The following ADGRL1 variants were observed in gnomAD, a reference collection of about 807,000 sequenced individuals.
ADGRL1 encodes the protein adhesion G protein-coupled receptor L1, also known as CIRL-1.
In ADGRL1, 31 loss-of-function variants were observed where a neutral mutation model predicts 148.9. The observed-to-expected ratio is 0.21, with a 90% CI of 0.16 to 0.28. The LOEUF (loss-of-function observed/expected upper bound fraction) is 0.28, where lower values mean the gene tolerates loss of function less well. Among genes scored for constraint, ADGRL1 ranks in the 10% least tolerant of loss-of-function variants. The pLI is 1.00. For synonymous variants in ADGRL1, 937 were observed against 900.3 expected (o/e 1.04, Z -0.73); for missense variants, 1,521 against 2,058.8 (o/e 0.74, Z 5.05).
chr19:14,162,744 C>A lies in ADGRL1; in HGVS notation c.1057G>T (p.Val353Phe). The A allele has an allele frequency of 6.2e-7, 1 of 1,614,218 alleles. No individual in the cohort carries two copies. The highest frequency in any genetic ancestry group is 8.5e-7 in the Non-Finnish European group (1 of 1,180,036). The change falls in exon 5 of 23, where the codon GTC becomes TTC. Residue 353 changes from valine to phenylalanine, a missense_variant. This residue lies in a region of ADGRL1 where 270 missense variants were observed against 320.4 expected (regional missense o/e 0.84). Coordinates refer to ENST00000361434, the MANE Select transcript of ADGRL1 (RefSeq NM_014921.5). The surrounding 1 kb of genome is among the most constrained non-coding windows in gnomAD (Gnocchi z 5.4). ...FNTNANREEP[V>F]SLTFPNPYQF... is the part of the protein sequence containing the mutation. ...TAGGGGTTGGGGAAGGTGAGGCTGA[C>A]AGGCTCCTCGCGGTTGGCATTGGTG...
chr19:14,156,270 G>A, intron 16 of ADGRL1, 69 bp from the exon 17 acceptor site: 2 of 1,263,602 alleles, frequency 1.6e-6, no homozygotes, highest in South Asian at 1.2e-5. Context: ...ACTGAGGCTA[G>A]GGCCCAGCCT....
At chr19:14,184,900 A>C (rs1971490522) in intron 1 of ADGRL1, among the ~76,000 whole-genome samples, 1 of 151,996 alleles carries the variant, frequency 6.6e-6, no homozygotes, top group Admixed American at 6.6e-5. Context: ...CGGCCTCCCA[A>C]AGTGCTGGGA....
At chr19:14,167,853 C>T (rs112966063) in intron 4 of ADGRL1, among the ~76,000 whole-genome samples, 2 of 152,268 alleles carry the variant, frequency 1.3e-5, no homozygotes, top group African/African-American at 2.4e-5. Flanking sequence ...GTCTGAGGCT[C>T]GGCTTCTCTG....
intron 4 of ADGRL1, among the ~76,000 whole-genome samples, chr19:14,167,818 A>C (rs1450112502): frequency 1.3e-5 from 2 of 151,836 alleles, no homozygotes; most frequent in Non-Finnish European, 2.9e-5. Flanking sequence ...GGGCACAGAC[A>C]CGCTCCCAGG....
At chr19:14,180,914 G>T (rs562026480) in intron 2 of ADGRL1, among the ~76,000 whole-genome samples, 13 of 152,162 alleles carry the variant, frequency 8.5e-5, no homozygotes, top group African/African-American at 3.1e-4. Flanking sequence ...CGGGCGTGGT[G>T]GCAGGCACCT....
At position 14,151,417 on chromosome 19, in the gene ADGRL1, C is replaced by T. The variant is rs1440355317; in HGVS notation, c.3866G>A (p.Arg1289Gln). The change falls in exon 23 of 23, where the codon CGG becomes CAG. Residue 1289 changes from arginine to glutamine, a missense_variant. Coordinates refer to ENST00000361434, the MANE Select transcript of ADGRL1 (RefSeq NM_014921.5). ...GCCCTTGGCCGCGCTGCTGCTCCCC[C>T]GCAGGTTGTTGTGCACCAGCTCTGA... ...IISELVHNNLRGSSSAAKGPP... is the reference protein window; with the variant it reads ...IISELVHNNLQGSSSAAKGPP... 6.2e-6 allele frequency: 10 copies of T among 1,612,268 alleles called. No homozygotes were observed. The highest frequency in any genetic ancestry group is 2.2e-5 in the East Asian group (1 of 44,842).
Position 14,160,267 on chromosome 19 carries a change from C to T in ADGRL1, c.1645G>A (p.Ala549Thr). The change falls in exon 8 of 23, where the codon GCC (alanine) becomes ACC (threonine). Residue 549 changes from alanine to threonine, a missense_variant. Ala to Thr is a moderately conservative substitution (Grantham distance 58). Around this residue, in one of 8 missense-constraint regions of ADGRL1, gnomAD observed 270 missense variants for 320.4 expected, o/e 0.84. Coordinates refer to ENST00000361434, the MANE Select transcript of ADGRL1 (RefSeq NM_014921.5). The surrounding 1 kb of genome is among the most constrained non-coding windows in gnomAD (Gnocchi z 5.9). ...IKSGENAANI[A>T]SELARHTRGS... ...CGGGTGTGTCGGGCCAGCTCGCTGG[C>T]GATGTTGGCCGCGTTCTCCCCACTC... The T allele has an allele frequency of 1.3e-6, 2 of 1,591,674 alleles. No homozygotes were observed. The highest frequency in any genetic ancestry group is 8.6e-7 in the Non-Finnish European group (1 of 1,162,004).
intron 1 of ADGRL1, among the ~76,000 whole-genome samples, chr19:14,204,477 T>A (rs1972828437): frequency 1.3e-5 from 2 of 151,554 alleles, no homozygotes; most frequent in South Asian, 4.2e-4. Context: ...AGGAGTGGGG[T>A]CTGGGGTCAG....
Position 14,162,551 on chromosome 19 carries a change from G to C in ADGRL1, c.1195+55C>G, listed in dbSNP as rs535001151. ...CACTCTGGGACCCAGGGGTGGGTGG[G>C]GGTGGAGGGGACAAAGGCAAGCAGG... On this transcript the variant is annotated intron_variant, in intron 5 of 22. Coordinates refer to ENST00000361434, the MANE Select transcript of ADGRL1 (RefSeq NM_014921.5). This position sits in a 1 kb window ranked among gnomAD's most constrained non-coding sequence, Gnocchi z 5.4. 2.0e-6 allele frequency: 3 copies of C among 1,507,480 alleles called. No homozygotes were observed. In the South Asian group the frequency reaches 3.7e-5, roughly 19 times the overall value. 93.4% of individuals were successfully genotyped at this position (1,507,480 alleles called of 1,614,324 possible). A position where few individuals can be genotyped will look rare whatever the true frequency, so the allele number is the denominator to read the frequency against.
chr19:14,166,222 C>T (rs1223128558), intron 4 of ADGRL1, among the ~76,000 whole-genome samples: 1 of 151,576 alleles, frequency 6.6e-6, no homozygotes, highest in Non-Finnish European at 1.5e-5. Context: ...CCCCCAACCA[C>T]GAGGCCCGCC....
At chr19:14,188,221 G>T (rs1471882237) in intron 1 of ADGRL1, among the ~76,000 whole-genome samples, 1 of 152,108 alleles carries the variant, frequency 6.6e-6, no homozygotes, top group Non-Finnish European at 1.5e-5. Flanking sequence ...CCTTGAGCTG[G>T]TCTCCTCACC....
chr19:14,183,210 A>AGAGC (rs1971328685), intron 2 of ADGRL1, among the ~76,000 whole-genome samples: 1 of 150,074 alleles, frequency 6.7e-6, no homozygotes, highest in African/African-American at 2.5e-5. Flanking sequence ...AGAGAGAGAG[A>AGAGC]GAGAGAGCGA....
chr19:14,170,937 T>G lies in ADGRL1; in HGVS notation c.285-146A>C, dbSNP rs1408097343. 3.7e-5 allele frequency: 22 copies of G among 595,438 alleles called. No homozygotes were observed. The East Asian group carries it at 6.3e-4, about 17-fold the overall frequency. 36.9% of individuals were successfully genotyped at this position (595,438 alleles called of 1,614,324 possible). A position where few individuals can be genotyped will look rare whatever the true frequency, so the allele number is the denominator to read the frequency against. Reference sequence around the variant, plus strand: ...TGGAAACCAAGTGATATAGTTTGGATCTGTGTCCATACCCAAATCTCATGT... The same window carrying G: ...TGGAAACCAAGTGATATAGTTTGGAGCTGTGTCCATACCCAAATCTCATGT... On this transcript the variant is annotated intron_variant, in intron 3 of 22. Transcript: ENST00000361434.
At chr19:14,154,824 C>T (rs1968558222) in intron 18 of ADGRL1, among the ~76,000 whole-genome samples, 1 of 151,986 alleles carries the variant, frequency 6.6e-6, no homozygotes, top group South Asian at 2.1e-4. Context: ...ACCATGTTGG[C>T]CAGGCTGGTC....
In ADGRL1 at chr19:14,159,230, G is replaced by C. The variant is rs567488490; in HGVS notation, c.2024-15C>G. 21 of 1,613,864 alleles carry C rather than the reference G, an allele frequency of 1.3e-5. No homozygotes were observed. The South Asian group carries it at 2.3e-4, about 18-fold the overall frequency. On this transcript the variant is annotated splice_polypyrimidine_tract_variant and intron_variant, in intron 10 of 22. Coordinates refer to ENST00000361434, the MANE Select transcript of ADGRL1 (RefSeq NM_014921.5). The surrounding 1 kb of genome is among the most constrained non-coding windows in gnomAD (Gnocchi z 6.0). The stretch of plus-strand genomic sequence containing the variant: ...GACCTCCAGGACTGTGGGGACAGGG[G>C]AAGGCAAGGCATACACAGTTGGGGT...
chr19:14,179,690 T>A (rs771218235), intron 2 of ADGRL1, among the ~76,000 whole-genome samples: 1 of 151,934 alleles, frequency 6.6e-6, no homozygotes, highest in African/African-American at 2.4e-5. Context: ...GCGAATCACC[T>A]GAGGTCAGGA....
chr19:14,199,542 A>C (rs7507421), intron 1 of ADGRL1, among the ~76,000 whole-genome samples: 10,507 of 151,854 alleles, frequency 0.069, 407 homozygotes, highest in African/African-American at 0.11. Context: ...CTCCTGCCTC[A>C]GCCTCCCAAG....
chr19:14,159,422 G>A lies in ADGRL1; in HGVS notation c.2002C>T (p.Leu668=). The part of the protein sequence containing the change: ...ADNVREPARF[L]AAKENVVLEV... ...TCACCCACGTTCTCCTTGGCAGCCAGGAAGCGGGCAGGCTCCCTGACATTG... is the reference window on the plus strand; with the variant it reads ...TCACCCACGTTCTCCTTGGCAGCCAAGAAGCGGGCAGGCTCCCTGACATTG... The change falls in exon 10 of 23, where the codon CTG becomes TTG. Residue 668 remains leucine (L), a synonymous_variant. Transcript: ENST00000361434. The surrounding 1 kb of genome is among the most constrained non-coding windows in gnomAD (Gnocchi z 6.0). The A allele has an allele frequency of 6.2e-7, 1 of 1,611,204 alleles. No homozygotes were observed. Among genetic ancestry groups the A allele is most frequent in the Non-Finnish European group, 8.5e-7 (1 of 1,178,382 alleles).
Position 14,158,032 on chromosome 19 carries a change from A to G in ADGRL1, c.2385T>C (p.Ala795=). Residue 795 remains alanine, a synonymous_variant, in exon 13 of 23, where the codon GCT becomes GCC. Coordinates refer to ENST00000361434, the MANE Select transcript of ADGRL1 (RefSeq NM_014921.5). ...AHLEDKNHFN[A]NCSFWNYSER... ...CCGAGTAGTTCCAGAAGGAGCAGTTAGCATTGAAGTGGTTCTTGTCCTGTT... is the reference window on the plus strand; with the variant it reads ...CCGAGTAGTTCCAGAAGGAGCAGTTGGCATTGAAGTGGTTCTTGTCCTGTT... 6.2e-7 allele frequency: 1 copy of G among 1,614,206 alleles called. No homozygotes were observed. The highest frequency in any genetic ancestry group is 8.5e-7 in the Non-Finnish European group (1 of 1,180,022).
Sources: allele counts gnomAD v4.1 joint callset (sites outside exome capture counted in the v4.1 genomes callset), GRCh38; gene constraint gnomAD v4.1.1; regional missense constraint gnomAD v4.1.1; non-coding constraint Gnocchi (gnomAD v3.1); transcripts MANE v1.5; gene names NCBI Gene and HGNC (gene_info 2026-07-23, HGNC 2026-07-21).